Variants in GPBP1L1 observed in about 807,000 individuals in gnomAD.
GPBP1L1 encodes the protein GC-rich promoter binding protein 1 like 1, also known as vasculin-like protein 1.
In GPBP1L1, 23 loss-of-function variants were observed where a neutral mutation model predicts 52.5. That is an observed-to-expected ratio of 0.44 (90% confidence interval 0.32 to 0.62). The LOEUF is 0.62. GPBP1L1 is among the 20% of genes least tolerant of loss of function. The probability of loss-of-function intolerance (pLI) is 0.06; values close to 1 mark genes in which losing one functional copy is unlikely to be tolerated. For missense variants in GPBP1L1, 596 were observed against 579.3 expected, an observed-to-expected ratio of 1.03 and a Z score of -0.30; for synonymous variants, 243 against 203.1, an observed-to-expected ratio of 1.20 and a Z score of -1.67.
Position 45,633,548 on chromosome 1 carries a change from G to C in GPBP1L1, c.985C>G (p.Leu329Val), listed in dbSNP as rs140921057. 1.2e-6 allele frequency: 2 copies of C among 1,614,052 alleles called. No individual in the cohort carries two copies. The highest frequency in any genetic ancestry group is 1.7e-5 in the Admixed American group (1 of 60,008). ...TDRKSEFLKT[L>V]KDDRNGDFSE... ...AAGTCTCCATTCCGGTCATCCTTCA[G>C]AGTTTTCAGGAACTCACTCTTCCTG... Residue 329 changes from leucine to valine, a missense_variant, in exon 10 of 13, where the codon CTG (leucine) becomes GTG (valine). Leu to Val is a conservative substitution (Grantham distance 32). Transcript: ENST00000355105.
intron 8 of GPBP1L1, chr1:45,634,722 G>C (rs10890335): frequency 0.28 from 43,410 of 152,910 alleles, 6,302 homozygotes; most frequent in South Asian, 0.36. Context: ...ATGGCAAAAG[G>C]CTAGTTCCAG....
Position 45,628,066 on chromosome 1 carries a change from T to C in GPBP1L1, c.*190A>G, listed in dbSNP as rs1417758667. The stretch of plus-strand genomic sequence containing the variant: ...GTCCCACCACACAAACTTCTCTCTA[T>C]AAAGCAGATAACAGGGAAGAACAAT... On this transcript the variant is annotated 3_prime_UTR_variant, in exon 13 of 13. Coordinates refer to ENST00000355105, the MANE Select transcript of GPBP1L1 (RefSeq NM_021639.5). The C allele has an allele frequency of 2.3e-5, 14 of 599,330 alleles. No individual in the cohort carries two copies. In the East Asian group the frequency reaches 3.7e-4, roughly 16 times the overall value. The allele number at this position is 599,330 out of a possible 1,614,324, so 37.1% of individuals were successfully genotyped here.
At chr1:45,670,790 T>C (rs1472032964) in intron 2 of GPBP1L1, among the ~76,000 whole-genome samples, 1 of 143,676 alleles carries the variant, frequency 7.0e-6, no homozygotes, top group African/African-American at 2.6e-5. Flanking sequence ...CATATGTCTT[T>C]TTTTTTTTTT....
intron 2 of GPBP1L1, among the ~76,000 whole-genome samples, chr1:45,667,269 C>T (rs2148495780): frequency 6.6e-6 from 1 of 152,220 alleles, no homozygotes; most frequent in South Asian, 2.1e-4. Flanking sequence ...TGCCCTACAT[C>T]ACCCATTCTT....
intron 2 of GPBP1L1, among the ~76,000 whole-genome samples, chr1:45,680,968 T>C (rs1210455715): frequency 6.6e-6 from 1 of 151,918 alleles, no homozygotes; most frequent in Non-Finnish European, 1.5e-5. Flanking sequence ...TATTCATTAG[T>C]AACCAAAACC....
At position 45,684,990 on chromosome 1, in the gene GPBP1L1, C is replaced by T. The variant is rs117379816; in HGVS notation, c.-1098+586G>A. On this transcript the variant is annotated intron_variant, in intron 2 of 12. Coordinates refer to ENST00000355105, the MANE Select transcript of GPBP1L1 (RefSeq NM_021639.5). ...TTTTAAATAGATACAGGCTTCAGCA[C>T]CTTTCCAAATATTGAAATTTATTGG... is the stretch of plus-strand genomic sequence containing the variant. 9.2e-5 allele frequency among the ~76,000 whole-genome samples: 14 copies of T among 152,150 alleles called. No homozygotes were observed. In the East Asian group the frequency reaches 2.5e-3, roughly 27 times the overall value.
At chr1:45,675,945 T>C (rs1465975296) in intron 2 of GPBP1L1, among the ~76,000 whole-genome samples, 2 of 152,218 alleles carry the variant, frequency 1.3e-5, no homozygotes, top group African/African-American at 4.8e-5. Context: ...ACCCTAATAT[T>C]TCTTTTCAAA....
chr1:45,671,317 C>G (rs1405715856), intron 2 of GPBP1L1, among the ~76,000 whole-genome samples: 2 of 147,900 alleles, frequency 1.4e-5, no homozygotes, highest in Admixed American at 1.4e-4. Context: ...TCAAGCAAAT[C>G]TCGTGCCTCA....
Position 45,667,009 on chromosome 1 carries a change from A to C in GPBP1L1, c.-1097-5784T>G, listed in dbSNP as rs571290598. On this transcript the variant is annotated intron_variant, in intron 2 of 12. Transcript: ENST00000355105. Reference sequence around the variant, plus strand: ...CATCCAGTCTCACAGAGCTAAAAACAGATCAGTGATTACCAGGGACTGGGA... The same window carrying C: ...CATCCAGTCTCACAGAGCTAAAAACCGATCAGTGATTACCAGGGACTGGGA... 1.7e-3 allele frequency among the ~76,000 whole-genome samples: 263 copies of C among 152,338 alleles called. 7 individuals carry two copies. The South Asian group carries it at 0.053, about 31-fold the overall frequency.
At chr1:45,631,756 G>A (rs1644533679) in intron 10 of GPBP1L1, among the ~76,000 whole-genome samples, 1 of 152,056 alleles carries the variant, frequency 6.6e-6, no homozygotes, top group African/African-American at 2.4e-5. Context: ...AGCTATCTCT[G>A]TACCAAACAA....
intron 2 of GPBP1L1, among the ~76,000 whole-genome samples, chr1:45,666,043 T>TC (rs1253736367): frequency 6.6e-6 from 1 of 151,794 alleles, no homozygotes; most frequent in African/African-American, 2.4e-5. Flanking sequence ...AATAAGCCTT[T>TC]CCCCCACCCC....
intron 2 of GPBP1L1, among the ~76,000 whole-genome samples, chr1:45,670,716 T>C (rs1645063620): frequency 6.6e-6 from 1 of 152,044 alleles, no homozygotes; most frequent in Non-Finnish European, 1.5e-5. Flanking sequence ...TGTTTCTATA[T>C]ATGTATGCAA....
chr1:45,669,193 T>TA (rs1295212096), intron 2 of GPBP1L1, among the ~76,000 whole-genome samples: 1 of 152,196 alleles, frequency 6.6e-6, no homozygotes, highest in African/African-American at 2.4e-5. Context: ...GGAGACAGGG[T>TA]CTCACTCTGT....
intron 2 of GPBP1L1, among the ~76,000 whole-genome samples, chr1:45,666,668 G>A (rs1267025046): frequency 7.2e-5 from 11 of 152,174 alleles, no homozygotes; most frequent in Non-Finnish European, 1.6e-4. Context: ...ATTAAACACT[G>A]AGGCACCATA....
At chr1:45,687,388 C>G (rs1645303939), upstream of GPBP1L1, 1 of 152,292 alleles carries the variant, frequency 6.6e-6, no homozygotes, top group Non-Finnish European at 1.5e-5. Flanking sequence ...GTGGCTCCAT[C>G]CGGCACGGAA....
chr1:45,647,082 TTTA>T (rs1297171754), intron 6 of GPBP1L1, among the ~76,000 whole-genome samples: 2 of 152,116 alleles, frequency 1.3e-5, no homozygotes, highest in South Asian at 2.1e-4. Context: ...TCTGAAATTT[TTTA>T]TTATTACTTC....
chr1:45,663,119 T>C (rs564406749), intron 2 of GPBP1L1, among the ~76,000 whole-genome samples: 6 of 147,936 alleles, frequency 4.1e-5, no homozygotes, highest in South Asian at 2.1e-4. Context: ...CTCTCAGTAA[T>C]AGATAAATGA....
intron 7 of GPBP1L1, 53 bp downstream of exon 7, chr1:45,642,374 C>T: frequency 2.5e-6 from 3 of 1,214,766 alleles, no homozygotes; most frequent in Non-Finnish European, 3.7e-6. Context: ...GCTCCCCTCC[C>T]TGCTAAGAAA....
rs1219137589 is a variant in GPBP1L1 at position 45,675,038 on chromosome 1, CTT to C, written c.-1098+10536_-1098+10537del. Reference sequence around the variant, plus strand: ...AGACTTCAGGTCTCCAAGTGAGTGACTTAAACTCTTGCTTCATTGGGAGGCCG... The same window carrying C: ...AGACTTCAGGTCTCCAAGTGAGTGACAAACTCTTGCTTCATTGGGAGGCCG... On this transcript the variant is annotated intron_variant, in intron 2 of 12. Coordinates refer to ENST00000355105, the MANE Select transcript of GPBP1L1 (RefSeq NM_021639.5). 2.0e-5 allele frequency among the ~76,000 whole-genome samples: 3 copies of C among 152,286 alleles called. No homozygotes were observed. The East Asian group carries it at 5.8e-4, about 29-fold the overall frequency.
Sources: gnomAD v4.1 joint callset for allele counts (sites outside exome capture counted in the v4.1 genomes callset) on GRCh38, gnomAD v4.1.1 for gene constraint, MANE v1.5 for transcripts, NCBI Gene and HGNC (gene_info 2026-07-23, HGNC 2026-07-21) for gene names.